The following SLC38A11 variants were observed in gnomAD, a reference collection of about 807,000 sequenced individuals.
SLC38A11 encodes solute carrier family 38 member 11, also known as putative sodium-coupled neutral amino acid transporter 11.
Under a neutral mutation model 49.4 loss-of-function variants are expected in SLC38A11, and 51 were observed. The observed-to-expected ratio is 1.03, with a 90% CI of 0.83 to 1.30. The LOEUF (loss-of-function observed/expected upper bound fraction) is 1.30, where lower values mean the gene tolerates loss of function less well. SLC38A11 is among the 50% of genes most tolerant of loss of function. SLC38A11 has a pLI of 0.00. For synonymous variants in SLC38A11, 203 were observed against 192.9 expected, an observed-to-expected ratio of 1.05 and a Z score of -0.43; for missense variants, 574 against 556.2, an observed-to-expected ratio of 1.03 and a Z score of -0.32.
intron 6 of SLC38A11, 36 bp downstream of exon 6, chr2:164,939,414 G>T (rs888410154): frequency 3.6e-6 from 5 of 1,394,068 alleles, no homozygotes; most frequent in Admixed American, 1.8e-5. Flanking sequence ...AGGCAACAAG[G>T]TACATTTCTA....
Position 164,927,510 on chromosome 2 carries a change from A to G in SLC38A11, c.617+9840T>C, listed in dbSNP as rs146602163. ...ATCAAAGGAGGGCCTTTATTTTTAT[A>G]TGGTAGCTCCCCCAGCGAATGGCAA... On this transcript the variant is annotated intron_variant, in intron 7 of 11. Transcript: ENST00000685975. Among the ~76,000 whole-genome samples, 815 of 152,236 alleles carry G rather than the reference A, an allele frequency of 5.4e-3. 4 individuals are homozygous for G. Among genetic ancestry groups the G allele is most frequent in the African/African-American group, 0.015 (621 of 41,562 alleles).
intron 3 of SLC38A11, among the ~76,000 whole-genome samples, chr2:164,946,625 T>C (rs1688130405): frequency 1.3e-5 from 2 of 151,526 alleles, no homozygotes; most frequent in African/African-American, 2.4e-5. Context: ...TAGAGATAGA[T>C]ATATACAGAA....
Position 164,898,552 on chromosome 2 carries a change from T to G in SLC38A11, c.1274A>C (p.His425Pro), listed in dbSNP as rs577645726. The change falls in exon 12 of 12, where the codon CAT (histidine) becomes CCT (proline). Residue 425 changes from histidine to proline, a missense_variant. Physicochemically the swap from His to Pro is moderately conservative, Grantham distance 77 (BLOSUM62 -2). Coordinates refer to ENST00000685975, the MANE Select transcript of SLC38A11 (RefSeq NM_001351537.2). ...MAITNTQDCTHGQEMFYCFPD... is the reference protein window; with the variant it reads ...MAITNTQDCTPGQEMFYCFPD... ...AAAGCAGTAGAACATTTCCTGCCCA[T>G]GGGTGCAGTCTTGAGTATTTGTAAT... The G allele has an allele frequency of 7.4e-6, 12 of 1,613,664 alleles. No individual in the cohort carries two copies. The South Asian group carries it at 1.3e-4, about 18-fold the overall frequency.
chr2:164,954,746 C>A lies in SLC38A11; in HGVS notation c.40-1G>T. 6.9e-7 allele frequency: 1 copy of A among 1,455,594 alleles called. No individual in the cohort carries two copies. 90.2% of individuals were successfully genotyped at this position (1,455,594 alleles called of 1,614,324 possible). Reference sequence around the variant, plus strand: ...GGGTTTCTCTGTCATCTAAATCTCTCTAATAGATAAAATAGCAATTATAAG... The same window carrying A: ...GGGTTTCTCTGTCATCTAAATCTCTATAATAGATAAAATAGCAATTATAAG... On this transcript the variant is annotated splice_acceptor_variant, in intron 1 of 11. Transcript: ENST00000685975. LOFTEE classifies it high-confidence loss of function.
At chr2:164,930,523 C>A (rs181301613) in intron 7 of SLC38A11, among the ~76,000 whole-genome samples, 2 of 152,076 alleles carry the variant, frequency 1.3e-5, no homozygotes, top group African/African-American at 4.8e-5. Context: ...AATGACAAAC[C>A]AAATCCAGTA....
At chr2:164,937,693 AT>A (rs971010061) in intron 6 of SLC38A11, 15 of 257,494 alleles carry the variant, frequency 5.8e-5, no homozygotes, top group African/African-American at 3.3e-4. Flanking sequence ...GGCTTTAAAA[AT>A]TTTTAGTGGC....
rs1362934458 is a variant in SLC38A11, at chr2:164,950,233, A to ATTGATTCTCCTCC, written c.229+2461_229+2473dup. ...TGAAGTTACTGGCAACAGAGTTGGC[A>ATTGATTCTCCTCC]TTGATTCTCCTCCTTGATTCTCATT... On this transcript the variant is annotated intron_variant, in intron 3 of 11. Coordinates refer to ENST00000685975, the MANE Select transcript of SLC38A11 (RefSeq NM_001351537.2). The ATTGATTCTCCTCC allele has an allele frequency of 1.3e-5, 2 of 152,210 alleles. 1 individual carries two copies. Among genetic ancestry groups the ATTGATTCTCCTCC allele is most frequent in the Non-Finnish European group, 2.9e-5 (2 of 68,030 alleles). 9.4% of individuals were successfully genotyped at this position (152,210 alleles called of 1,614,324 possible).
rs1685199889 is a variant in SLC38A11 at position 164,908,761 on chromosome 2, T to C, written c.974A>G (p.Asn325Ser). Residue 325 changes from asparagine (N) to serine (S), a missense_variant, in exon 11 of 12, where the codon AAT becomes AGT. Transcript: ENST00000685975. ...ECFVTREVIA[N>S]VFFGGNLSSV... ...TGAAAGATTCCCACCAAAAAACACA[T>C]TGGCAATTACCTGCCGAATAAACAG... The C allele has an allele frequency of 3.7e-6, 6 of 1,609,682 alleles. No homozygotes were observed. Among genetic ancestry groups the C allele is most frequent in the Non-Finnish European group, 5.1e-6 (6 of 1,177,738 alleles).
At chr2:164,932,184 A>G (rs1179915793) in intron 7 of SLC38A11, among the ~76,000 whole-genome samples, 1 of 152,230 alleles carries the variant, frequency 6.6e-6, no homozygotes, top group African/African-American at 2.4e-5. Context: ...ATCATTAAAG[A>G]AATGTGAATC....
intron 7 of SLC38A11, among the ~76,000 whole-genome samples, chr2:164,918,330 C>A (rs1006831750): frequency 6.6e-6 from 1 of 151,836 alleles, no homozygotes; most frequent in African/African-American, 2.4e-5. Flanking sequence ...TTATTAATAG[C>A]TGTTATATTA....
rs775006291 is a variant in SLC38A11, at chr2:164,915,226, C to T, written c.736G>A (p.Glu246Lys). 5.6e-6 allele frequency: 9 copies of T among 1,611,404 alleles called. No individual in the cohort carries two copies. The highest frequency in any genetic ancestry group is 7.6e-6 in the Non-Finnish European group (9 of 1,178,566). The change falls in exon 9 of 12, where the codon GAA becomes AAA. Residue 246 changes from glutamate (E) to lysine (K), a missense_variant. Transcript: ENST00000685975. ...CGGGACCACTTAGCTACTGTGGGTT[C>T]TTCTAGAGAACTGTAAACTAAGAAG... ...NSFLVYSSLE[E>K]PTVAKWSRLI... is the part of the protein sequence containing the mutation.
Position 164,900,900 on chromosome 2 carries a change from A to G in SLC38A11, c.1096-2170T>C, listed in dbSNP as rs1358428473. Among the ~76,000 whole-genome samples the G allele has an allele frequency of 3.3e-5, 5 of 152,098 alleles. No individual in the cohort carries two copies. The South Asian group carries it at 8.3e-4, about 25-fold the overall frequency. Reference sequence around the variant, plus strand: ...CCAAGGCTAATGTCAAGGAGCTTTTATTCTATGTTCTCTTCTAGGAATTTT... The same window carrying G: ...CCAAGGCTAATGTCAAGGAGCTTTTGTTCTATGTTCTCTTCTAGGAATTTT... On this transcript the variant is annotated intron_variant, in intron 11 of 11. Coordinates refer to ENST00000685975, the MANE Select transcript of SLC38A11 (RefSeq NM_001351537.2).
chr2:164,899,074 T>C (rs1451795548), intron 11 of SLC38A11, among the ~76,000 whole-genome samples: 1 of 152,156 alleles, frequency 6.6e-6, no homozygotes, highest in African/African-American at 2.4e-5. Context: ...TATTTCCTTA[T>C]ATTCTTCACT....
In SLC38A11 at chr2:164,932,155, A is replaced by T. The variant is rs917769962; in HGVS notation, c.617+5195T>A. On this transcript the variant is annotated intron_variant, in intron 7 of 11. Transcript: ENST00000685975. ...TAATTGTGACCAACATTCATATGAA[A>T]AAAAGCTCAGCATCAATGATCATTA... is the stretch of plus-strand genomic sequence containing the variant. 5.9e-5 allele frequency among the ~76,000 whole-genome samples: 9 copies of T among 152,206 alleles called. 1 individual carries two copies. The highest frequency in any genetic ancestry group is 1.3e-4 in the Admixed American group (2 of 15,254).
Position 164,908,409 on chromosome 2 carries a change from C to T in SLC38A11, c.1095+231G>A, listed in dbSNP as rs374202432. On this transcript the variant is annotated intron_variant, in intron 11 of 11. Transcript: ENST00000685975. ...TATCCACTAGAGGCCAACAGCACTG[C>T]CTACCCAGTTGTGACGACCCCATAT... 1.9e-4 allele frequency among the ~76,000 whole-genome samples: 29 copies of T among 152,188 alleles called. No homozygotes were observed. In the East Asian group the frequency reaches 4.3e-3, roughly 22 times the overall value.
At chr2:164,918,258 A>G (rs79574532) in intron 7 of SLC38A11, among the ~76,000 whole-genome samples, 2,231 of 152,254 alleles carry the variant, frequency 0.015, 54 homozygotes, top group African/African-American at 0.051. Flanking sequence ...AATTATGACT[A>G]CGAATATTTT....
chr2:164,946,418 T>G (rs1688109629), intron 3 of SLC38A11, among the ~76,000 whole-genome samples: 1 of 151,648 alleles, frequency 6.6e-6, no homozygotes, highest in South Asian at 2.1e-4. Flanking sequence ...ATACAAAAAT[T>G]AGGCAGGTGT....
At chr2:164,933,403 G>T (rs1197148305) in intron 7 of SLC38A11, among the ~76,000 whole-genome samples, 1 of 151,914 alleles carries the variant, frequency 6.6e-6, no homozygotes, top group Non-Finnish European at 1.5e-5. Context: ...CCATAAATCT[G>T]AACATAATTT....
intron 5 of SLC38A11, among the ~76,000 whole-genome samples, chr2:164,942,746 A>G (rs904445011): frequency 6.6e-6 from 1 of 152,200 alleles, no homozygotes; most frequent in African/African-American, 2.4e-5. Context: ...CACAGAAGCT[A>G]CAGACAGTTC....
Sources: gnomAD v4.1 joint callset for allele counts (sites outside exome capture counted in the v4.1 genomes callset) on GRCh38, gnomAD v4.1.1 for gene constraint, MANE v1.5 for transcripts, NCBI Gene and HGNC (gene_info 2026-07-23, HGNC 2026-07-21) for gene names.